The following GLB1L2 variants were observed in gnomAD, a reference collection of about 807,000 sequenced individuals.
The protein encoded by GLB1L2 is galactosidase beta 1 like 2.
In GLB1L2, 68 loss-of-function variants were observed where a neutral mutation model predicts 84.1. The observed-to-expected ratio is 0.81, with a 90% CI of 0.67 to 0.99. The LOEUF (loss-of-function observed/expected upper bound fraction) is 0.99. Among genes scored for constraint, GLB1L2 ranks in the 50% least tolerant of loss-of-function variants. GLB1L2 has a pLI of 0.00. For synonymous variants in GLB1L2, 290 were observed against 318.0 expected (o/e 0.91, Z 0.94); for missense variants, 762 against 805.6 (o/e 0.95, Z 0.66).
intron 15 of GLB1L2, 69 bp downstream of exon 15, chr11:134,371,899 G>A (rs1943958839): frequency 3.4e-6 from 5 of 1,479,276 alleles, no homozygotes; most frequent in Middle Eastern, 1.8e-4. Context: ...GCTTCTCTAT[G>A]CTAGCAGGCC....
At chr11:134,350,880 T>C (rs1943619840) in intron 5 of GLB1L2, among the ~76,000 whole-genome samples, 1 of 152,282 alleles carries the variant, frequency 6.6e-6, no homozygotes, top group Non-Finnish European at 1.5e-5. Flanking sequence ...ACATTGATTT[T>C]TTTTATCCTG....
intron 5 of GLB1L2, among the ~76,000 whole-genome samples, chr11:134,352,242 T>A (rs1421519910): frequency 6.6e-6 from 1 of 152,190 alleles, no homozygotes; most frequent in Non-Finnish European, 1.5e-5. Context: ...TGGCGTACAA[T>A]TTGTTCATAT....
intron 5 of GLB1L2, among the ~76,000 whole-genome samples, chr11:134,350,085 G>C (rs991875968): frequency 2.0e-5 from 3 of 152,182 alleles, no homozygotes; most frequent in East Asian, 1.9e-4. Flanking sequence ...CCTGGGCTTG[G>C]GGGAGGGATG....
At chr11:134,342,726 A>G (rs1262157356) in intron 1 of GLB1L2, 28 bp from the exon 2 acceptor site, 11 of 1,604,580 alleles carry the variant, frequency 6.9e-6, no homozygotes, top group Non-Finnish European at 9.4e-6. Context: ...CGGAGCCTCC[A>G]GGCTCCAGAA....
chr11:134,362,760 G>A (rs1274486012), intron 7 of GLB1L2, among the ~76,000 whole-genome samples: 1 of 152,200 alleles, frequency 6.6e-6, no homozygotes, highest in South Asian at 2.1e-4. Flanking sequence ...GATGGCCCCC[G>A]AGGAGGGGAT....
In GLB1L2 at chr11:134,342,830, A is replaced by C; in HGVS notation, c.163A>C (p.Met55Leu). The C allele has an allele frequency of 6.2e-7, 1 of 1,613,954 alleles. No homozygotes were observed. Residue 55 changes from methionine to leucine, a missense_variant, in exon 2 of 19, where the codon ATG becomes CTG. Transcript: ENST00000535456. ...GCTGCAGGCCAAGGGCTGGAACTTC[A>C]TGCTGGAGGATTCCACCTTCTGGAT... ...LGLQAKGWNF[M>L]LEDSTFWIFG...
At chr11:134,332,493 C>T (rs1277261074) in intron 1 of GLB1L2, among the ~76,000 whole-genome samples, 2 of 152,130 alleles carry the variant, frequency 1.3e-5, no homozygotes, top group South Asian at 2.1e-4. Context: ...CCCATCGCGG[C>T]CCCGTCCCCA....
chr11:134,371,639 TG>T, intron 14 of GLB1L2, 112 bp from the exon 15 acceptor site: 1 of 1,154,152 alleles, frequency 8.7e-7, no homozygotes, highest in Non-Finnish European at 1.3e-6. Context: ...TCTGCCCAGC[TG>T]GGATGTACAC....
At position 134,335,614 on chromosome 11, in the gene GLB1L2, A is replaced by G. The variant is rs538696367; in HGVS notation, c.86+3467A>G. Among the ~76,000 whole-genome samples, 12 of 152,234 alleles carry G rather than the reference A, an allele frequency of 7.9e-5. No individual in the cohort carries two copies. The South Asian group carries it at 2.5e-3, about 32-fold the overall frequency. On this transcript the variant is annotated intron_variant, in intron 1 of 18. Transcript: ENST00000535456. ...GTCTTGGAGCAGCCATAGTATTGGT[A>G]TAGGTGTGATTCAAGGGAGGGACTG...
At chr11:134,358,436 G>A (rs1943736632) in intron 6 of GLB1L2, among the ~76,000 whole-genome samples, 1 of 152,280 alleles carries the variant, frequency 6.6e-6, no homozygotes, top group Admixed American at 6.5e-5. Context: ...GTCAGGGGAC[G>A]CTCTGAGTGG....
At chr11:134,362,357 C>T (rs552677383) in intron 7 of GLB1L2, among the ~76,000 whole-genome samples, 7 of 152,272 alleles carry the variant, frequency 4.6e-5, no homozygotes, top group East Asian at 1.9e-4. Context: ...CGGCGCTGCC[C>T]GCGTGTTTTT....
rs749125292 is a variant in GLB1L2 at position 134,373,737 on chromosome 11, C to T, written c.1524C>T (p.Leu508=). 4 of 1,612,028 alleles carry T rather than the reference C, an allele frequency of 2.5e-6. No homozygotes were observed. Among genetic ancestry groups the T allele is most frequent in the Non-Finnish European group, 3.4e-6 (4 of 1,178,424 alleles). The change falls in exon 16 of 19, where the codon CTC becomes CTT. Residue 508 remains leucine, a synonymous_variant. Transcript: ENST00000535456. ...DDQRKGLIGN[L]YLNDSPLKNF... is the part of the protein sequence containing the mutation. The stretch of plus-strand genomic sequence containing the variant: ...CTCCCACAGGCTTAATTGGAAATCT[C>T]TATCTGAATGATTCACCCCTGAAAA...
chr11:134,368,089 G>A (rs1050857366), intron 9 of GLB1L2, among the ~76,000 whole-genome samples: 2 of 152,140 alleles, frequency 1.3e-5, no homozygotes, highest in Non-Finnish European at 2.9e-5. Flanking sequence ...CACAGATTCA[G>A]CAACACCGAG....
chr11:134,357,240 G>A (rs940093623), intron 6 of GLB1L2, among the ~76,000 whole-genome samples: 1 of 152,238 alleles, frequency 6.6e-6, no homozygotes, highest in Non-Finnish European at 1.5e-5. Flanking sequence ...CTTCTGCTAC[G>A]ACGTGCAGAG....
intron 7 of GLB1L2, chr11:134,360,770 A>G (rs1484836806): frequency 6.6e-6 from 1 of 152,122 alleles, no homozygotes; most frequent in Non-Finnish European, 1.5e-5. Context: ...TCCAGAAATG[A>G]CCATTTTCAA....
intron 5 of GLB1L2, among the ~76,000 whole-genome samples, chr11:134,355,513 TGAA>T (rs1176633267): frequency 1.2e-4 from 19 of 152,342 alleles, no homozygotes; most frequent in African/African-American, 4.3e-4. Flanking sequence ...CAGCCCAACA[TGAA>T]GACTTAAGAG....
At position 134,370,348 on chromosome 11, in the gene GLB1L2, A is replaced by T. The variant is rs770880761; in HGVS notation, c.1164A>T (p.Leu388Phe). 3 of 1,613,268 alleles carry T rather than the reference A, an allele frequency of 1.9e-6. No individual in the cohort carries two copies. The highest frequency in any genetic ancestry group is 4.5e-5 in the East Asian group (2 of 44,784). Residue 388 changes from leucine to phenylalanine, a missense_variant, in exon 12 of 19, where the codon TTA becomes TTT. By Grantham distance (22) the Leu-to-Phe change is conservative. Transcript: ENST00000535456. The surrounding 1 kb of genome is among the most constrained non-coding windows in gnomAD (Gnocchi z 4.7). ...TTCCCAAGATGCCGTATGAGCCCTT[A>T]ACGCCAGTCTTGTACCTGTCTCTGT... ...DLLPKMPYEPLTPVLYLSLWD... is the reference protein window; with the variant it reads ...DLLPKMPYEPFTPVLYLSLWD...
At chr11:134,356,188 GA>G in intron 5 of GLB1L2, 112 bp from the exon 6 acceptor site, 1 of 810,534 alleles carries the variant, frequency 1.2e-6, no homozygotes, top group Admixed American at 1.9e-5. Context: ...AATCTTTTGA[GA>G]TTTTAGTTTT....
chr11:134,347,032 A>G (rs920858323), intron 4 of GLB1L2: 46 of 375,400 alleles, frequency 1.2e-4, no homozygotes, highest in Non-Finnish European at 1.0e-5. Context: ...CTAGGCCTGG[A>G]GTCCTGTGAA....
Sources: gnomAD v4.1 joint callset for allele counts (sites outside exome capture counted in the v4.1 genomes callset) on GRCh38, gnomAD v4.1.1 for gene constraint, Gnocchi (gnomAD v3.1) non-coding constraint, MANE v1.5 for transcripts, NCBI Gene and HGNC (gene_info 2026-07-23, HGNC 2026-07-21) for gene names.